Variants in TIAM2 observed in about 807,000 individuals in gnomAD.
The protein encoded by TIAM2 is rho guanine nucleotide exchange factor TIAM2.
In TIAM2, 80 loss-of-function variants were observed where a neutral mutation model predicts 152.9. That is an observed-to-expected ratio of 0.52 (90% CI 0.44 to 0.63). TIAM2 has a LOEUF of 0.63. TIAM2 is among the 30% of genes least tolerant of loss of function. The probability of loss-of-function intolerance (pLI) is 0.00; values close to 1 mark genes in which losing one functional copy is unlikely to be tolerated. For synonymous variants in TIAM2, 804 were observed against 838.0 expected (o/e 0.96, Z 0.70); for missense variants, 1,965 against 2,120.1 (o/e 0.93, Z 1.44).
chr6:155,254,107 T>C (rs1385034937), intron 25 of TIAM2, 47 bp downstream of exon 25: 1 of 1,566,904 alleles, frequency 6.4e-7, no homozygotes, highest in East Asian at 2.3e-5. Flanking sequence ...TAACATAGAA[T>C]TATGTCTCTT....
At chr6:155,067,186 G>T (rs1018460585) in intron 1 of TIAM2, among the ~76,000 whole-genome samples, 4 of 152,090 alleles carry the variant, frequency 2.6e-5, no homozygotes, top group African/African-American at 9.7e-5. Context: ...GTCTGGCTGT[G>T]GGGGAGCTCA....
At chr6:155,021,389 G>A (rs1330585795) in intron 1 of TIAM2, among the ~76,000 whole-genome samples, 1 of 151,998 alleles carries the variant, frequency 6.6e-6, no homozygotes, top group African/African-American at 2.4e-5. Context: ...AGCCTCCCGA[G>A]TAGCTGGGAT....
chr6:155,201,648 T>C (rs1211857047), intron 14 of TIAM2, among the ~76,000 whole-genome samples: 1 of 152,194 alleles, frequency 6.6e-6, no homozygotes, highest in Non-Finnish European at 1.5e-5. Context: ...AACGCTCTTT[T>C]TCGTTGTTCT....
chr6:155,025,871 C>T (rs995618407), intron 1 of TIAM2, among the ~76,000 whole-genome samples: 1 of 107,786 alleles, frequency 9.3e-6, no homozygotes, highest in African/African-American at 3.5e-5. Flanking sequence ...CACACACACA[C>T]ACACAGAAAA....
intron 1 of TIAM2, among the ~76,000 whole-genome samples, chr6:155,003,057 T>C (rs1482502696): frequency 6.6e-6 from 1 of 152,158 alleles, no homozygotes; most frequent in African/African-American, 2.4e-5. Context: ...CACTCTTAAA[T>C]GGTGGTTGAC....
intron 1 of TIAM2, among the ~76,000 whole-genome samples, chr6:155,024,655 A>T (rs879601170): frequency 1.6e-3 from 237 of 147,482 alleles, no homozygotes; most frequent in Admixed American, 3.0e-3. Flanking sequence ...ATGTCTTTAA[A>T]AAAAAAAAAA....
intron 1 of TIAM2, among the ~76,000 whole-genome samples, chr6:155,007,932 A>G (rs1212396050): frequency 6.6e-6 from 1 of 152,196 alleles, no homozygotes; most frequent in Non-Finnish European, 1.5e-5. Context: ...CTGAAGCTAA[A>G]TTTTGATAGC....
At chr6:155,217,201 C>A in intron 15 of TIAM2, 1 of 1,182,992 alleles carries the variant, frequency 8.5e-7, no homozygotes, top group African/African-American at 1.6e-5. Flanking sequence ...CTAAAAATGT[C>A]TAAAGACTGA....
chr6:155,158,759 G>A (rs1029190439), intron 7 of TIAM2, among the ~76,000 whole-genome samples: 5 of 147,510 alleles, frequency 3.4e-5, no homozygotes, highest in African/African-American at 5.0e-5. Context: ...GTTTCACCAC[G>A]TTGACCAGGC....
chr6:155,227,747 T>C (rs1220234909), intron 15 of TIAM2, among the ~76,000 whole-genome samples: 2 of 152,152 alleles, frequency 1.3e-5, no homozygotes, highest in African/African-American at 4.8e-5. Flanking sequence ...TACACCCCCG[T>C]CGACAAGAGG....
intron 1 of TIAM2, among the ~76,000 whole-genome samples, chr6:155,087,922 C>T (rs1258190995): frequency 6.6e-6 from 1 of 151,836 alleles, no homozygotes; most frequent in Non-Finnish European, 1.5e-5. Context: ...AATCACACTA[C>T]CTCTTTGAGT....
chr6:154,998,253 C>T (rs1778254795), intron 1 of TIAM2, among the ~76,000 whole-genome samples: 1 of 151,966 alleles, frequency 6.6e-6, no homozygotes, highest in Non-Finnish European at 1.5e-5. Context: ...CAAGTAAGGC[C>T]CTAAAGAGCT....
chr6:155,129,683 G>A lies in TIAM2; in HGVS notation c.460G>A (p.Glu154Lys), dbSNP rs777567510. The change falls in exon 4 of 27, where the codon GAA becomes AAA. Residue 154 changes from glutamate (E) to lysine (K), a missense_variant. By Grantham distance (56) the Glu-to-Lys change is moderately conservative. This residue lies in a region of TIAM2 where 1,025 missense variants were observed against 1,119.4 expected (regional missense o/e 0.92). Coordinates refer to ENST00000682666, the MANE Select transcript of TIAM2 (RefSeq NM_012454.4). This position sits in a 1 kb window ranked among gnomAD's most constrained non-coding sequence, Gnocchi z 4.8. ...NESIASTPPGEDRKSPRVLIK... is the reference protein window; with the variant it reads ...NESIASTPPGKDRKSPRVLIK... ...GAGCATTGCCTCCACCCCACCGGGCGAAGACCGCAAGAGCCCCCGAGTGCT... is the reference window on the plus strand; with the variant it reads ...GAGCATTGCCTCCACCCCACCGGGCAAAGACCGCAAGAGCCCCCGAGTGCT... 48 of 1,614,118 alleles carry A rather than the reference G, an allele frequency of 3.0e-5. No individual in the cohort carries two copies. Among genetic ancestry groups the A allele is most frequent in the Middle Eastern group, 1.6e-4 (1 of 6,062 alleles).
intron 15 of TIAM2, among the ~76,000 whole-genome samples, chr6:155,228,004 G>A (rs576550389): frequency 3.7e-4 from 56 of 152,266 alleles, no homozygotes; most frequent in African/African-American, 1.1e-3. Flanking sequence ...TTTTTGTTTC[G>A]TTTTCTAGGT....
intron 19 of TIAM2, among the ~76,000 whole-genome samples, chr6:155,246,046 TAGAA>T (rs1399518855): frequency 1.3e-5 from 2 of 151,458 alleles, no homozygotes; most frequent in South Asian, 4.2e-4. Flanking sequence ...TAGATGGGAG[TAGAA>T]AGAAATGCAT....
chr6:155,191,221 A>C (rs1338697843), intron 14 of TIAM2, among the ~76,000 whole-genome samples: 1 of 152,202 alleles, frequency 6.6e-6, no homozygotes, highest in Non-Finnish European at 1.5e-5. Context: ...TCCTGGCTCC[A>C]GCCTCTCCTA....
At chr6:155,014,307 T>C (rs1357065562) in intron 1 of TIAM2, among the ~76,000 whole-genome samples, 1 of 152,230 alleles carries the variant, frequency 6.6e-6, no homozygotes, top group African/African-American at 2.4e-5. Flanking sequence ...TCCCTCATTA[T>C]GCAGGATAGG....
chr6:155,169,698 G>C (rs6936960), intron 9 of TIAM2, among the ~76,000 whole-genome samples: 21,262 of 152,142 alleles, frequency 0.14, 1,641 homozygotes, highest in African/African-American at 0.19. Context: ...CAAATCCTCA[G>C]AATGATTTCT....
intron 1 of TIAM2, among the ~76,000 whole-genome samples, chr6:155,078,155 C>T (rs1777995796): frequency 1.3e-5 from 2 of 152,076 alleles, no homozygotes; most frequent in South Asian, 4.1e-4. Flanking sequence ...AGTGATCTTC[C>T]TACCTCAGCC....
Sources: allele counts gnomAD v4.1 joint callset (sites outside exome capture counted in the v4.1 genomes callset), GRCh38; gene constraint gnomAD v4.1.1; regional missense constraint gnomAD v4.1.1; non-coding constraint Gnocchi (gnomAD v3.1); transcripts MANE v1.5; gene names NCBI Gene and HGNC (gene_info 2026-07-23, HGNC 2026-07-21).